Variants in FNDC3B observed in about 807,000 individuals in gnomAD.
FNDC3B encodes fibronectin type III domain containing 3B.
FNDC3B carries 12 observed loss-of-function variants against 151.5 expected under a neutral mutation model. That is an observed-to-expected ratio of 0.08 (90% CI 0.05 to 0.13). The LOEUF (loss-of-function observed/expected upper bound fraction) is 0.13. Ranked by LOEUF, FNDC3B falls within the 10% of genes least tolerant of loss-of-function variation. The pLI, the probability that FNDC3B is intolerant of heterozygous loss-of-function variation, is 1.00. For synonymous variants in FNDC3B, 528 were observed against 549.0 expected (o/e 0.96, Z 0.54); for missense variants, 1,214 against 1,505.3 (o/e 0.81, Z 3.20).
chr3:172,255,695 C>T (rs1728300424), intron 6 of FNDC3B, among the ~76,000 whole-genome samples: 1 of 152,162 alleles, frequency 6.6e-6, no homozygotes, highest in South Asian at 2.1e-4. Context: ...AGCCACTGTG[C>T]CTGGACACTT....
At chr3:172,098,396 C>T (rs1379175058) in intron 1 of FNDC3B, among the ~76,000 whole-genome samples, 1 of 152,206 alleles carries the variant, frequency 6.6e-6, no homozygotes, top group Non-Finnish European at 1.5e-5. Context: ...ATACTACTGA[C>T]AGTACATGCT....
intron 16 of FNDC3B, among the ~76,000 whole-genome samples, chr3:172,340,252 G>T (rs1733227344): frequency 6.7e-6 from 1 of 150,330 alleles, no homozygotes; most frequent in African/African-American, 2.4e-5. Context: ...GCCACATTTG[G>T]TCTTTAATTT....
intron 1 of FNDC3B, among the ~76,000 whole-genome samples, chr3:172,042,837 T>G (rs537200425): frequency 1.3e-5 from 2 of 152,040 alleles, no homozygotes; most frequent in African/African-American, 2.4e-5. Flanking sequence ...TTAAGTTTTT[T>G]TTTTTTTTTT....
chr3:172,247,691 C>T lies in FNDC3B; in HGVS notation c.423C>T (p.Tyr141=), dbSNP rs201728782. 40 of 1,614,164 alleles carry T rather than the reference C, an allele frequency of 2.5e-5. No individual in the cohort carries two copies. In the East Asian group the frequency reaches 2.7e-4, roughly 11 times the overall value. The stretch of plus-strand genomic sequence containing the variant: ...TTATTCATAACTCACACACGGCTTA[C>T]TACCCACCTGTTACCGGACCTGGAG... ...PHFIHNSHTA[Y]YPPVTGPGDM... Residue 141 remains tyrosine, a synonymous_variant, in exon 5 of 26, where the codon TAC becomes TAT. Coordinates refer to ENST00000415807, the MANE Select transcript of FNDC3B (RefSeq NM_022763.4).
At chr3:172,088,903 A>G (rs1237511948) in intron 1 of FNDC3B, among the ~76,000 whole-genome samples, 1 of 152,234 alleles carries the variant, frequency 6.6e-6, no homozygotes. Flanking sequence ...AACAATAGTA[A>G]TATTTTTACT....
chr3:172,371,519 A>G (rs1027353493), intron 23 of FNDC3B, among the ~76,000 whole-genome samples: 23 of 152,238 alleles, frequency 1.5e-4, no homozygotes, highest in African/African-American at 5.5e-4. Context: ...TCAAAGCTCA[A>G]ACAAGTTATG....
At chr3:172,317,071 A>G (rs1448962725) in intron 11 of FNDC3B, 3 of 415,024 alleles carry the variant, frequency 7.2e-6, no homozygotes, top group Admixed American at 3.1e-5. Flanking sequence ...CACTCCTGTC[A>G]AAATGGCAAT....
intron 1 of FNDC3B, among the ~76,000 whole-genome samples, chr3:172,087,652 T>C (rs990939890): frequency 6.6e-6 from 1 of 152,178 alleles, no homozygotes; most frequent in African/African-American, 2.4e-5. Context: ...TCAAATTTCA[T>C]TGCAAATTTT....
chr3:172,251,390 C>T lies in FNDC3B; in HGVS notation c.639C>T (p.Ile213=), dbSNP rs1381443150. 6.2e-7 allele frequency: 1 copy of T among 1,613,944 alleles called. No homozygotes were observed. The highest frequency in any genetic ancestry group is 8.5e-7 in the Non-Finnish European group (1 of 1,180,020). Residue 213 remains isoleucine (I), a synonymous_variant, in exon 6 of 26, where the codon ATC becomes ATT. Coordinates refer to ENST00000415807, the MANE Select transcript of FNDC3B (RefSeq NM_022763.4). ...GCCTCAACAGCCCTCCTTCTTCTAT[C>T]TACAAAAGCAGCTGCACAACAGTAT... The part of the protein sequence containing the change: ...QNRLNSPPSS[I]YKSSCTTVYN...
chr3:172,340,476 A>C (rs576380155), intron 16 of FNDC3B, among the ~76,000 whole-genome samples: 1 of 151,924 alleles, frequency 6.6e-6, no homozygotes, highest in Non-Finnish European at 1.5e-5. Context: ...AGTAGAGACA[A>C]GGTTTCGCCA....
intron 4 of FNDC3B, 66 bp downstream of exon 4, chr3:172,227,013 T>C: frequency 1.8e-6 from 2 of 1,112,514 alleles, no homozygotes; most frequent in Non-Finnish European, 1.4e-6. Context: ...GAATATATGT[T>C]GAGGCTTCAA....
intron 12 of FNDC3B, 56 bp downstream of exon 12, chr3:172,329,132 T>C (rs1732507205): frequency 1.9e-6 from 3 of 1,555,500 alleles, no homozygotes; most frequent in East Asian, 4.6e-5. Context: ...ATCCTGAGCC[T>C]TCTTTTACAT....
chr3:172,081,434 T>C (rs374796563), intron 1 of FNDC3B, among the ~76,000 whole-genome samples: 1 of 152,190 alleles, frequency 6.6e-6, no homozygotes, highest in South Asian at 2.1e-4. Flanking sequence ...TGATTTTCCA[T>C]ATTTGTGCTT....
intron 21 of FNDC3B, among the ~76,000 whole-genome samples, chr3:172,349,758 C>T (rs989656489): frequency 5.3e-5 from 8 of 152,084 alleles, no homozygotes; most frequent in East Asian, 3.9e-4. Flanking sequence ...CAGGTTCAAG[C>T]GATTCTCCTG....
At chr3:172,335,220 T>C in intron 15 of FNDC3B, 138 bp downstream of exon 15, 1 of 749,188 alleles carries the variant, frequency 1.3e-6, no homozygotes, top group Non-Finnish European at 2.0e-6. Context: ...TCGGAATATA[T>C]GTGTGAGAAA....
chr3:172,055,567 A>G (rs1269771769), intron 1 of FNDC3B, among the ~76,000 whole-genome samples: 1 of 152,060 alleles, frequency 6.6e-6, no homozygotes, highest in East Asian at 1.9e-4. Flanking sequence ...AAAAAAGAGA[A>G]CAGAGGATTC....
chr3:172,334,975 G>T lies in FNDC3B; in HGVS notation c.1673G>T (p.Cys558Phe). Residue 558 changes from cysteine (C) to phenylalanine (F), a missense_variant, in exon 15 of 26, where the codon TGT becomes TTT. Cys to Phe is a radical substitution (Grantham distance 205). Coordinates refer to ENST00000415807, the MANE Select transcript of FNDC3B (RefSeq NM_022763.4). ...GCTTCTAATACGGAAGGAAAAAGCT[G>T]TCCAAGCGAAGTTCTTGTTTGTACG... ...LTASNTEGKS[C>F]PSEVLVCTTS... is the part of the protein sequence containing the mutation. 3 of 1,613,844 alleles carry T rather than the reference G, an allele frequency of 1.9e-6. No homozygotes were observed. Among genetic ancestry groups the T allele is most frequent in the Non-Finnish European group, 2.5e-6 (3 of 1,179,862 alleles).
At chr3:172,168,976 G>T (rs1297030849) in intron 3 of FNDC3B, among the ~76,000 whole-genome samples, 1 of 151,842 alleles carries the variant, frequency 6.6e-6, no homozygotes, top group Admixed American at 6.6e-5. Flanking sequence ...GCCTCCCAAA[G>T]TGCTGGGATT....
At chr3:172,256,781 A>G (rs1728365035) in intron 6 of FNDC3B, among the ~76,000 whole-genome samples, 1 of 152,212 alleles carries the variant, frequency 6.6e-6, no homozygotes, top group Non-Finnish European at 1.5e-5. Flanking sequence ...AGGTGAATTT[A>G]GAGTAAAAAA....
Sources: allele counts gnomAD v4.1 joint callset (sites outside exome capture counted in the v4.1 genomes callset), GRCh38; gene constraint gnomAD v4.1.1; transcripts MANE v1.5; gene names NCBI Gene and HGNC (gene_info 2026-07-23, HGNC 2026-07-21).